The following KDM4B variants were observed in gnomAD, a reference collection of about 807,000 sequenced individuals.
The protein encoded by KDM4B is lysine demethylase 4B.
Under a neutral mutation model 125.2 loss-of-function variants are expected in KDM4B, and 32 were observed. The observed-to-expected ratio is 0.26, with a 90% CI of 0.19 to 0.34. The LOEUF is 0.34. KDM4B is among the 10% of genes least tolerant of loss of function. The pLI, the probability that KDM4B is intolerant of heterozygous loss-of-function variation, is 1.00. For synonymous variants in KDM4B, 721 were observed against 677.9 expected (o/e 1.06, Z -0.99); for missense variants, 1,190 against 1,577.7 (o/e 0.75, Z 4.16).
intron 2 of KDM4B, among the ~76,000 whole-genome samples, chr19:5,026,853 G>T (rs1019034899): frequency 6.6e-6 from 1 of 152,086 alleles, no homozygotes; most frequent in Non-Finnish European, 1.5e-5. Context: ...CCCTGCCCTG[G>T]TGTCCCCATA....
intron 1 of KDM4B, among the ~76,000 whole-genome samples, chr19:4,980,509 C>T (rs979366252): frequency 4.6e-5 from 7 of 151,340 alleles, no homozygotes; most frequent in African/African-American, 1.2e-4. Context: ...CCTCAACCTC[C>T]GCCTCCTGGG....
chr19:5,115,906 C>A lies in KDM4B; in HGVS notation c.1116-3747C>A, dbSNP rs2039245147. 6.6e-6 allele frequency among the ~76,000 whole-genome samples: 1 copy of A among 152,152 alleles called. No homozygotes were observed. Among genetic ancestry groups the A allele is most frequent in the Admixed American group, 6.5e-5 (1 of 15,280 alleles). ...AAGTCAGAGGCGTAGTCTAGGAAAT[C>A]TAGCCCCTGATAGGAGTTTCAGAAA... On this transcript the variant is annotated intron_variant, in intron 10 of 22. Transcript: ENST00000159111. This position sits in a 1 kb window ranked among gnomAD's most constrained non-coding sequence, Gnocchi z 4.2.
At chr19:5,040,879 CT>C (rs1031541936) in intron 4 of KDM4B, among the ~76,000 whole-genome samples, 1 of 152,244 alleles carries the variant, frequency 6.6e-6, no homozygotes, top group African/African-American at 2.4e-5. Context: ...CCCACTCCCC[CT>C]GGCGTGTGTT....
chr19:4,974,835 G>A (rs495555), intron 1 of KDM4B, among the ~76,000 whole-genome samples: 57,059 of 151,758 alleles, frequency 0.38, 11,301 homozygotes, highest in East Asian at 0.72. Context: ...GTGACTTCCT[G>A]TTGCCCTTGG....
intron 18 of KDM4B, among the ~76,000 whole-genome samples, chr19:5,139,132 C>T (rs577791206): frequency 2.0e-5 from 3 of 152,282 alleles, no homozygotes; most frequent in Non-Finnish European, 4.4e-5. Context: ...CTATGTTGCC[C>T]AGGCTGGTTT....
At chr19:5,064,619 T>G (rs2037710863) in intron 6 of KDM4B, among the ~76,000 whole-genome samples, 1 of 152,104 alleles carries the variant, frequency 6.6e-6, no homozygotes, top group African/African-American at 2.4e-5. Flanking sequence ...AACCTTACAC[T>G]ATGATGTCCC....
chr19:5,111,986 G>A (rs2039157544), intron 10 of KDM4B: 2 of 609,764 alleles, frequency 3.3e-6, no homozygotes, highest in Middle Eastern at 2.6e-4. Context: ...AGGCACGATC[G>A]CTCACACCTG....
At position 5,082,612 on chromosome 19, in the gene KDM4B, C is replaced by T; in HGVS notation, c.918+108C>T. The T allele has an allele frequency of 7.9e-7, 1 of 1,267,668 alleles. No individual in the cohort carries two copies. The highest frequency in any genetic ancestry group is 1.5e-5 in the South Asian group (1 of 67,314). 78.5% of individuals were successfully genotyped at this position (1,267,668 alleles called of 1,614,324 possible). A position where few individuals can be genotyped will look rare whatever the true frequency, so the allele number is the denominator to read the frequency against. The stretch of plus-strand genomic sequence containing the variant: ...GGTCCAGCAGCCGTTTCGCTCAGCC[C>T]AGGGCCTGGGCTCTCAACCAGGGTC... On this transcript the variant is annotated intron_variant, in intron 9 of 22. Coordinates refer to ENST00000159111, the MANE Select transcript of KDM4B (RefSeq NM_015015.3). The surrounding 1 kb of genome is among the most constrained non-coding windows in gnomAD (Gnocchi z 5.4).
chr19:5,150,823 A>G (rs897332338), intron 22 of KDM4B, among the ~76,000 whole-genome samples: 1 of 152,178 alleles, frequency 6.6e-6, no homozygotes, highest in Non-Finnish European at 1.5e-5. Flanking sequence ...TTTGGGGTAC[A>G]GGCGAAGTAC....
intron 9 of KDM4B, among the ~76,000 whole-genome samples, chr19:5,107,887 C>G (rs917947661): frequency 6.6e-6 from 1 of 152,258 alleles, no homozygotes; most frequent in African/African-American, 2.4e-5. Flanking sequence ...TGCCTCCTTC[C>G]TGCTGTTTGC....
At chr19:5,090,375 TCCCCCCATATCTCTCC>T (rs1568291466) in intron 9 of KDM4B, among the ~76,000 whole-genome samples, 2 of 59,340 alleles carry the variant, frequency 3.4e-5, no homozygotes, top group African/African-American at 1.6e-4. Context: ...CATCTCTCTC[TCCCCCCATATCTCTCC>T]CCCTCTCTCT....
rs555387636 is a variant in KDM4B, at chr19:5,091,712, G to C, written c.918+9208G>C. On this transcript the variant is annotated intron_variant, in intron 9 of 22. Coordinates refer to ENST00000159111, the MANE Select transcript of KDM4B (RefSeq NM_015015.3). ...TCCAGGTGATTAACCCGGAGCCCAG[G>C]GGGAGGGAGCCCAGGGGGAGGCGGC... Among the ~76,000 whole-genome samples the C allele has an allele frequency of 1.7e-4, 26 of 151,236 alleles. No individual in the cohort carries two copies. In the East Asian group the frequency reaches 3.9e-3, roughly 23 times the overall value.
intron 4 of KDM4B, 105 bp downstream of exon 4, chr19:5,040,116 A>G: frequency 5.7e-6 from 7 of 1,238,438 alleles, no homozygotes; most frequent in South Asian, 3.0e-5. Context: ...CCCCCACAGC[A>G]TGGCCGGCCT....
chr19:5,017,933 G>A (rs1303521934), intron 2 of KDM4B, among the ~76,000 whole-genome samples: 1 of 151,948 alleles, frequency 6.6e-6, no homozygotes, highest in African/African-American at 2.4e-5. Context: ...GTAGAGATGG[G>A]GTTTCACCGT....
intron 7 of KDM4B, chr19:5,077,073 C>G: frequency 2.4e-6 from 1 of 408,470 alleles, no homozygotes; most frequent in Non-Finnish European, 4.4e-6. Context: ...TGGGCAGAGA[C>G]GAGACCAGGC....
At position 5,142,173 on chromosome 19, in the gene KDM4B, C is replaced by G. The variant is rs888848023; in HGVS notation, c.2551-1794C>G. Among the ~76,000 whole-genome samples, 2 of 152,094 alleles carry G rather than the reference C, an allele frequency of 1.3e-5. No individual in the cohort carries two copies. Among genetic ancestry groups the G allele is most frequent in the Non-Finnish European group, 2.9e-5 (2 of 67,998 alleles). On this transcript the variant is annotated intron_variant, in intron 18 of 22. Coordinates refer to ENST00000159111, the MANE Select transcript of KDM4B (RefSeq NM_015015.3). This position sits in a 1 kb window ranked among gnomAD's most constrained non-coding sequence, Gnocchi z 5.4. ...CCCTGTGGCCTCCGAGGAAGGACAC[C>G]GAGCCGGGAACTTCGAACCAAACAC...
chr19:5,137,722 G>C, intron 17 of KDM4B, 46 bp downstream of exon 17: 2 of 1,515,804 alleles, frequency 1.3e-6, no homozygotes, highest in Non-Finnish European at 1.8e-6. Flanking sequence ...AGGGGAGCCT[G>C]CCCTGGGCTG....
At chr19:5,133,854 C>A in intron 13 of KDM4B, 29 bp from the exon 14 acceptor site, 1 of 1,608,058 alleles carries the variant, frequency 6.2e-7, no homozygotes, top group African/African-American at 1.3e-5. Flanking sequence ...GCTCAAGTGT[C>A]TCTCTCCCTC....
chr19:5,125,185 GCTTT>G (rs2146035733), intron 11 of KDM4B, among the ~76,000 whole-genome samples: 1 of 152,350 alleles, frequency 6.6e-6, no homozygotes, highest in African/African-American at 2.4e-5. Context: ...ACTGTGCCCA[GCTTT>G]CTTTTCATTA....
Sources: gnomAD v4.1 joint callset for allele counts (sites outside exome capture counted in the v4.1 genomes callset) on GRCh38, gnomAD v4.1.1 for gene constraint, Gnocchi (gnomAD v3.1) non-coding constraint, MANE v1.5 for transcripts, NCBI Gene and HGNC (gene_info 2026-07-23, HGNC 2026-07-21) for gene names.